Variants in TMEM132B observed in about 807,000 individuals in gnomAD.
TMEM132B encodes the protein transmembrane protein 132B.
TMEM132B carries 18 observed loss-of-function variants against 90.8 expected under a neutral mutation model. That is an observed-to-expected ratio of 0.20 (90% CI 0.14 to 0.29). The LOEUF is 0.29. TMEM132B is among the 10% of genes least tolerant of loss of function. The pLI, the probability that TMEM132B is intolerant of heterozygous loss-of-function variation, is 1.00. For missense variants in TMEM132B, 1,096 were observed against 1,326.8 expected (o/e 0.83, Z 2.70); for synonymous variants, 504 against 523.3 (o/e 0.96, Z 0.50).
chr12:125,624,763 A>G (rs932001848), intron 5 of TMEM132B, among the ~76,000 whole-genome samples: 1 of 152,174 alleles, frequency 6.6e-6, no homozygotes, highest in African/African-American at 2.4e-5. Context: ...GTCTTCAGCC[A>G]TATCTGGTCA....
At chr12:125,236,014 G>T (rs1873927834) in intron 1 of TMEM132B, among the ~76,000 whole-genome samples, 1 of 151,970 alleles carries the variant, frequency 6.6e-6, no homozygotes, top group Non-Finnish European at 1.5e-5. Context: ...TGTTGGCCAG[G>T]CTGGTCTTGA....
Position 125,204,306 on chromosome 12 carries a change from C to T in TMEM132B, c.67+17440C>T, listed in dbSNP as rs1197770959. On this transcript the variant is annotated intron_variant, in intron 1 of 8. Coordinates refer to ENST00000682704, the MANE Select transcript of TMEM132B (RefSeq NM_001366854.1). ...CTCATGAATCCTTTCAATGAGGGCT[C>T]CGTGTGCCAGGCAGGGTGCTTAGCC... Among the ~76,000 whole-genome samples, 3 of 133,554 alleles carry T rather than the reference C, an allele frequency of 2.2e-5. No individual in the cohort carries two copies. In the South Asian group the frequency reaches 7.6e-4, roughly 34 times the overall value. 87.6% of individuals were successfully genotyped at this position (133,554 alleles called of 152,430 possible).
intron 2 of TMEM132B, among the ~76,000 whole-genome samples, chr12:125,414,894 A>C (rs1376496538): frequency 6.6e-6 from 1 of 152,130 alleles, no homozygotes; most frequent in African/African-American, 2.4e-5. Flanking sequence ...AGAAACCCAG[A>C]CTGTGAACTC....
intron 1 of TMEM132B, among the ~76,000 whole-genome samples, chr12:125,305,597 T>C (rs1445997253): frequency 2.0e-5 from 3 of 152,230 alleles, no homozygotes; most frequent in Admixed American, 6.5e-5. Context: ...CTAAGGTTTG[T>C]ATTAACATGT....
At chr12:125,623,376 G>C (rs1265372802) in intron 5 of TMEM132B, among the ~76,000 whole-genome samples, 1 of 152,130 alleles carries the variant, frequency 6.6e-6, no homozygotes, top group African/African-American at 2.4e-5. Flanking sequence ...TGACTATAAA[G>C]GTAGAATCAA....
At position 125,376,962 on chromosome 12, in the gene TMEM132B, C is replaced by T. The variant is rs371751509; in HGVS notation, c.959+26619C>T. ...AACCCTCCCACGGTTTCTCCAAGCA[C>T]GCTCTGGGACCACTGGCAGTGGGAT... On this transcript the variant is annotated intron_variant, in intron 2 of 8. Coordinates refer to ENST00000682704, the MANE Select transcript of TMEM132B (RefSeq NM_001366854.1). Among the ~76,000 whole-genome samples the T allele has an allele frequency of 3.1e-4, 47 of 152,348 alleles. No individual in the cohort carries two copies. In the South Asian group the frequency reaches 3.3e-3, roughly 11 times the overall value.
chr12:125,559,085 A>G (rs1436523729), intron 4 of TMEM132B, among the ~76,000 whole-genome samples: 1 of 152,222 alleles, frequency 6.6e-6, no homozygotes, highest in African/African-American at 2.4e-5. Flanking sequence ...ATGCAAGTCC[A>G]CTCAGTTAGT....
chr12:125,212,399 A>G (rs1873341090), intron 1 of TMEM132B, among the ~76,000 whole-genome samples: 1 of 152,070 alleles, frequency 6.6e-6, no homozygotes, highest in Non-Finnish European at 1.5e-5. Context: ...CTGGTCTCAA[A>G]TTCCTGGGCT....
rs532809681 is a variant in TMEM132B at position 125,507,975 on chromosome 12, A to C, written c.1107-11464A>C. Among the ~76,000 whole-genome samples, 31 of 152,206 alleles carry C rather than the reference A, an allele frequency of 2.0e-4. 1 individual carries two copies. Among genetic ancestry groups the C allele is most frequent in the Admixed American group, 1.4e-3 (21 of 15,294 alleles). On this transcript the variant is annotated intron_variant, in intron 3 of 8. Coordinates refer to ENST00000682704, the MANE Select transcript of TMEM132B (RefSeq NM_001366854.1). Reference sequence around the variant, plus strand: ...ACTTGGCCTAGGGCAGAAACAGTAGATGCAGTTAGAGTGAGGTATTTAAAA... The same window carrying C: ...ACTTGGCCTAGGGCAGAAACAGTAGCTGCAGTTAGAGTGAGGTATTTAAAA...
intron 3 of TMEM132B, among the ~76,000 whole-genome samples, chr12:125,504,893 G>GA (rs202180693): frequency 5.3e-5 from 8 of 149,804 alleles, no homozygotes; most frequent in South Asian, 4.3e-4. Context: ...GAGAATGCTG[G>GA]AAAAAAAAAG....
At chr12:125,199,163 C>T (rs1349393766) in intron 1 of TMEM132B, among the ~76,000 whole-genome samples, 3 of 152,206 alleles carry the variant, frequency 2.0e-5, no homozygotes, top group Non-Finnish European at 4.4e-5. Flanking sequence ...GCCCCTGAAA[C>T]TGGCACATAC....
At chr12:125,606,606 A>G (rs768066705) in intron 5 of TMEM132B, among the ~76,000 whole-genome samples, 3 of 152,242 alleles carry the variant, frequency 2.0e-5, no homozygotes, top group Non-Finnish European at 4.4e-5. Context: ...ATCTGTGCAC[A>G]TACAGGTATA....
At chr12:125,197,100 A>C (rs1429655937) in intron 1 of TMEM132B, among the ~76,000 whole-genome samples, 1 of 152,038 alleles carries the variant, frequency 6.6e-6, no homozygotes, top group Non-Finnish European at 1.5e-5. Flanking sequence ...TTTATCACCT[A>C]AGTATTAAAC....
At chr12:125,278,493 T>TA (rs1875068602) in intron 1 of TMEM132B, among the ~76,000 whole-genome samples, 1 of 149,712 alleles carries the variant, frequency 6.7e-6, no homozygotes, top group Admixed American at 6.6e-5. Context: ...TTTTTTTTTT[T>TA]AAGATAAATG....
At chr12:125,595,638 G>A (rs1311644549) in intron 5 of TMEM132B, among the ~76,000 whole-genome samples, 1 of 152,182 alleles carries the variant, frequency 6.6e-6, no homozygotes, top group Non-Finnish European at 1.5e-5. Flanking sequence ...AATCCTGTGA[G>A]GCCTGACTGT....
Position 125,390,754 on chromosome 12 carries a change from A to T in TMEM132B, c.960-24777A>T, listed in dbSNP as rs142996955. Among the ~76,000 whole-genome samples the T allele has an allele frequency of 4.2e-3, 638 of 152,276 alleles. 7 individuals carry two copies. Among genetic ancestry groups the T allele is most frequent in the South Asian group, 0.012 (57 of 4,822 alleles). On this transcript the variant is annotated intron_variant, in intron 2 of 8. Transcript: ENST00000682704. ...TTTGAGTGAGTCACCTTGGAGGTGGATCCTCCAGCCCCAGTCAAGCCTTCA... is the reference window on the plus strand; with the variant it reads ...TTTGAGTGAGTCACCTTGGAGGTGGTTCCTCCAGCCCCAGTCAAGCCTTCA...
chr12:125,568,952 C>G (rs2079302), intron 4 of TMEM132B, among the ~76,000 whole-genome samples: 139,819 of 152,202 alleles, frequency 0.92, 64,242 homozygotes, highest in Middle Eastern at 0.97. Context: ...AGTGTGATTC[C>G]CACCCAGTTC....
chr12:125,415,398 C>T lies in TMEM132B; in HGVS notation c.960-133C>T. ...GAAAGCCACTTGCCACCACTCTCCC[C>T]CACATCTCCCAGAGGAAGGGGGCGA... On this transcript the variant is annotated intron_variant, in intron 2 of 8. Transcript: ENST00000682704. This position sits in a 1 kb window ranked among gnomAD's most constrained non-coding sequence, Gnocchi z 5.3. 8.6e-7 allele frequency: 1 copy of T among 1,169,114 alleles called. No homozygotes were observed. Among genetic ancestry groups the T allele is most frequent in the South Asian group, 1.9e-5 (1 of 52,500 alleles). 72.4% of individuals were successfully genotyped at this position (1,169,114 alleles called of 1,614,324 possible). A position where few individuals can be genotyped will look rare whatever the true frequency, so the allele number is the denominator to read the frequency against.
At chr12:125,395,643 T>C (rs976275082) in intron 2 of TMEM132B, among the ~76,000 whole-genome samples, 1 of 152,190 alleles carries the variant, frequency 6.6e-6, no homozygotes, top group African/African-American at 2.4e-5. Flanking sequence ...GGTAGAAATG[T>C]CAGAGCCTGA....
Sources: gnomAD v4.1 joint callset for allele counts (sites outside exome capture counted in the v4.1 genomes callset) on GRCh38, gnomAD v4.1.1 for gene constraint, Gnocchi (gnomAD v3.1) non-coding constraint, MANE v1.5 for transcripts, NCBI Gene and HGNC (gene_info 2026-07-23, HGNC 2026-07-21) for gene names.